Variants in DPY19L1 observed in about 807,000 individuals in gnomAD.
The protein encoded by DPY19L1 is dpy-19 like C-mannosyltransferase 1.
DPY19L1 carries 35 observed loss-of-function variants against 96.9 expected under a neutral mutation model. The observed-to-expected ratio is 0.36, with a 90% confidence interval of 0.28 to 0.48. The LOEUF (loss-of-function observed/expected upper bound fraction) is 0.48. DPY19L1 is among the 20% of genes least tolerant of loss of function. The probability of loss-of-function intolerance (pLI) is 0.99; values close to 1 mark genes in which losing one functional copy is unlikely to be tolerated. For missense variants in DPY19L1, 521 were observed against 777.9 expected (o/e 0.67, Z 3.93); for synonymous variants, 205 against 252.6 (o/e 0.81, Z 1.79).
chr7:34,936,517 A>G (rs1783871567), intron 21 of DPY19L1, among the ~76,000 whole-genome samples: 1 of 152,232 alleles, frequency 6.6e-6, no homozygotes, highest in Non-Finnish European at 1.5e-5. Flanking sequence ...GTAGAAAGCT[A>G]TGCTAAGAAC....
chr7:35,017,179 A>G (rs1785870905), intron 3 of DPY19L1, among the ~76,000 whole-genome samples: 1 of 152,084 alleles, frequency 6.6e-6, no homozygotes, highest in South Asian at 2.1e-4. Context: ...GAAATGATAT[A>G]ATGTCTGGGA....
chr7:35,020,760 G>A (rs997595854), intron 1 of DPY19L1, among the ~76,000 whole-genome samples: 2 of 152,136 alleles, frequency 1.3e-5, no homozygotes, highest in Non-Finnish European at 2.9e-5. Flanking sequence ...CCAGGCTGGA[G>A]TGCAGTGGCA....
upstream of DPY19L1, chr7:35,037,983 G>C (rs1370336980): frequency 9.2e-7 from 1 of 1,091,372 alleles, no homozygotes; most frequent in Non-Finnish European, 1.2e-6. Flanking sequence ...TGCGCTTGGA[G>C]CCCGCGCAGG....
chr7:34,993,440 AT>A (rs5883486), intron 6 of DPY19L1, among the ~76,000 whole-genome samples: 105,331 of 150,408 alleles, frequency 0.7, 37,450 homozygotes, highest in Admixed American at 0.75. Flanking sequence ...TTAATTCTGT[AT>A]TTTTTTTTTT....
At chr7:34,998,916 T>C (rs548862847) in intron 6 of DPY19L1, among the ~76,000 whole-genome samples, 1 of 152,164 alleles carries the variant, frequency 6.6e-6, no homozygotes, top group South Asian at 2.1e-4. Flanking sequence ...TTCTTTAAGT[T>C]GGAAATCTAA....
At chr7:34,957,313 C>T (rs1637671) in intron 11 of DPY19L1, among the ~76,000 whole-genome samples, 38,635 of 151,836 alleles carry the variant, frequency 0.25, 5,235 homozygotes, top group Non-Finnish European at 0.31. Context: ...ACCTGGGAGG[C>T]GGAGTGAGCC....
At chr7:34,936,885 CA>C in intron 21 of DPY19L1, among the ~76,000 whole-genome samples, 1 of 152,140 alleles carries the variant, frequency 6.6e-6, no homozygotes, top group Admixed American at 6.5e-5. Context: ...CCATATGTGT[CA>C]TTGAAATATA....
chr7:34,959,921 A>ATT (rs1409042713), intron 10 of DPY19L1, among the ~76,000 whole-genome samples: 86 of 13,924 alleles, frequency 6.2e-3, no homozygotes, highest in African/African-American at 0.02. Context: ...ATATATATAT[A>ATT]TATTTATATA....
intron 10 of DPY19L1, among the ~76,000 whole-genome samples, chr7:34,964,635 A>T (rs1268930181): frequency 6.6e-6 from 1 of 152,226 alleles, no homozygotes; most frequent in Non-Finnish European, 1.5e-5. Context: ...ACACCGATTC[A>T]TCTAAACAGA....
intron 3 of DPY19L1, among the ~76,000 whole-genome samples, chr7:35,015,287 G>T (rs541522832): frequency 1.3e-5 from 2 of 152,278 alleles, no homozygotes; most frequent in East Asian, 3.9e-4. Flanking sequence ...TTAAGATACT[G>T]TAATTTTACT....
At chr7:34,958,659 C>T (rs537803448) in intron 10 of DPY19L1, among the ~76,000 whole-genome samples, 26 of 152,250 alleles carry the variant, frequency 1.7e-4, no homozygotes, top group Middle Eastern at 6.8e-3. Flanking sequence ...AAATTCAATA[C>T]AAATATTGAC....
At chr7:35,022,224 G>A (rs1403551121) in intron 1 of DPY19L1, among the ~76,000 whole-genome samples, 2 of 151,868 alleles carry the variant, frequency 1.3e-5, no homozygotes, top group Non-Finnish European at 2.9e-5. Context: ...TACATTCTAA[G>A]GAACCAAGAT....
In DPY19L1 at chr7:34,929,688, A is replaced by C. The variant is rs1248969707; in HGVS notation, c.*1885T>G. The C allele has an allele frequency of 6.6e-6, 1 of 151,974 alleles. No homozygotes were observed. Among genetic ancestry groups the C allele is most frequent in the Non-Finnish European group, 1.5e-5 (1 of 68,008 alleles). 9.4% of individuals were successfully genotyped at this position (151,974 alleles called of 1,614,324 possible). On this transcript the variant is annotated 3_prime_UTR_variant, in exon 22 of 22. Coordinates refer to ENST00000638088, the MANE Select transcript of DPY19L1 (RefSeq NM_001366673.1). ...CACCTCCCTCTCCCTGCTCATGTCAACTCCCATCCTCAGCCTCAAGTGTCC... is the reference window on the plus strand; with the variant it reads ...CACCTCCCTCTCCCTGCTCATGTCACCTCCCATCCTCAGCCTCAAGTGTCC...
chr7:34,942,195 T>A, intron 17 of DPY19L1, among the ~76,000 whole-genome samples: 1 of 152,124 alleles, frequency 6.6e-6, no homozygotes. Context: ...GTAAAAGAAA[T>A]GACTGCTGCC....
intron 10 of DPY19L1, among the ~76,000 whole-genome samples, chr7:34,959,921 A>ATATAAATATATATATT (rs1562806961): frequency 7.2e-5 from 1 of 13,952 alleles, no homozygotes; most frequent in Non-Finnish European, 1.5e-4. Flanking sequence ...ATATATATAT[A>ATATAAATATATATATT]TATTTATATA....
intron 6 of DPY19L1, among the ~76,000 whole-genome samples, chr7:34,995,795 T>A (rs1562820471): frequency 6.6e-6 from 1 of 151,972 alleles, no homozygotes; most frequent in Non-Finnish European, 1.5e-5. Flanking sequence ...ATAATCAAAT[T>A]AAGATAATTT....
In DPY19L1 at chr7:34,973,307, A is replaced by G. The variant is rs143912512; in HGVS notation, c.914+207T>C. Among the ~76,000 whole-genome samples, 338 of 152,338 alleles carry G rather than the reference A, an allele frequency of 2.2e-3. 1 individual carries two copies. The highest frequency in any genetic ancestry group is 0.01 in the Middle Eastern group (3 of 294). ...TTGTTCCTTCTCAAGCAATCACTGT[A>G]GACTACCAAGAAAAAGGAGGAGGAA... On this transcript the variant is annotated intron_variant, in intron 8 of 21. Coordinates refer to ENST00000638088, the MANE Select transcript of DPY19L1 (RefSeq NM_001366673.1).
intron 10 of DPY19L1, among the ~76,000 whole-genome samples, chr7:34,959,801 C>T (rs1271717434): frequency 5.3e-5 from 8 of 150,666 alleles, no homozygotes; most frequent in South Asian, 2.1e-4. Flanking sequence ...CACCATGACA[C>T]GTGTATACCT....
At chr7:34,953,278 A>T (rs1392821424) in intron 13 of DPY19L1, among the ~76,000 whole-genome samples, 2 of 152,186 alleles carry the variant, frequency 1.3e-5, no homozygotes, top group African/African-American at 4.8e-5. Flanking sequence ...GTTATTTCTA[A>T]TTTGCAAATA....
Sources: gnomAD v4.1 joint callset for allele counts (sites outside exome capture counted in the v4.1 genomes callset) on GRCh38, gnomAD v4.1.1 for gene constraint, MANE v1.5 for transcripts, NCBI Gene and HGNC (gene_info 2026-07-23, HGNC 2026-07-21) for gene names.